MAP3K8: variants seen among roughly 807,000 people sequenced by gnomAD.
The protein encoded by MAP3K8 is mitogen-activated protein kinase kinase kinase 8.
A neutral mutation model predicts 45.8 loss-of-function variants in MAP3K8; 22 were observed. The observed-to-expected ratio is 0.48, with a 90% confidence interval of 0.34 to 0.69. MAP3K8 has a LOEUF of 0.69. MAP3K8 is among the 30% of genes least tolerant of loss of function. MAP3K8 has a pLI of 0.01. For missense variants in MAP3K8, 419 were observed against 585.0 expected (o/e 0.72, Z 2.93); for synonymous variants, 223 against 214.3 (o/e 1.04, Z -0.36).
chr10:30,450,128 C>T (rs1271298664), intron 4 of MAP3K8, 130 bp from the exon 5 acceptor site: 5 of 737,002 alleles, frequency 6.8e-6, no homozygotes, highest in Non-Finnish European at 1.1e-5. Context: ...CTGGGCAGTC[C>T]ATTTTCACAC....
chr10:30,459,582 A>C (rs1028774432), intron 8 of MAP3K8, 81 bp downstream of exon 8: 1 of 1,522,954 alleles, frequency 6.6e-7, no homozygotes. Flanking sequence ...AGTTCATGAA[A>C]GCACTTGGAA....
intron 1 of MAP3K8, among the ~76,000 whole-genome samples, chr10:30,435,647 G>T (rs1225550038): frequency 3.3e-5 from 5 of 152,170 alleles, no homozygotes; most frequent in Non-Finnish European, 7.3e-5. Flanking sequence ...CCACCTCCCG[G>T]GTTCAAGCGA....
At chr10:30,448,097 T>C (rs889380101) in intron 4 of MAP3K8, 148 bp downstream of exon 4, 3 of 690,768 alleles carry the variant, frequency 4.3e-6, no homozygotes, top group East Asian at 2.8e-5. Flanking sequence ...TTTTTCTGAA[T>C]TTATTGGCTA....
chr10:30,456,114 G>A (rs1836720492), intron 6 of MAP3K8, among the ~76,000 whole-genome samples: 1 of 152,216 alleles, frequency 6.6e-6, no homozygotes, highest in Admixed American at 6.5e-5. Context: ...TATTGGCAGG[G>A]AGGAGGGGGT....
intron 6 of MAP3K8, among the ~76,000 whole-genome samples, chr10:30,456,556 T>C (rs147659561): frequency 2.6e-5 from 4 of 152,138 alleles, no homozygotes; most frequent in Admixed American, 2.6e-4. Flanking sequence ...ATTCTCTTAT[T>C]CACATGGCAG....
chr10:30,458,192 G>T lies in MAP3K8; in HGVS notation c.982G>T (p.Val328Leu). ...CATGCAGACGGGCACCCCACCCTGGGTGAAGCGCTACCCTCGCTCAGCCTA... is the reference window on the plus strand; with the variant it reads ...CATGCAGACGGGCACCCCACCCTGGTTGAAGCGCTACCCTCGCTCAGCCTA... ...IHMQTGTPPW[V>L]KRYPRSAYPS... The change falls in exon 7 of 9, where the codon GTG (valine) becomes TTG (leucine). Residue 328 changes from valine to leucine, a missense_variant. Around this residue, in one of 3 missense-constraint regions of MAP3K8, gnomAD observed 209 missense variants for 367.3 expected, o/e 0.57. Coordinates refer to ENST00000263056, the MANE Select transcript of MAP3K8 (RefSeq NM_005204.4). 1 of 1,586,368 alleles carries T rather than the reference G, an allele frequency of 6.3e-7. No individual in the cohort carries two copies. Among genetic ancestry groups the T allele is most frequent in the Non-Finnish European group, 8.6e-7 (1 of 1,165,250 alleles).
At chr10:30,446,492 G>T (rs1836343291) in intron 3 of MAP3K8, among the ~76,000 whole-genome samples, 1 of 149,034 alleles carries the variant, frequency 6.7e-6, no homozygotes, top group African/African-American at 2.5e-5. Flanking sequence ...CCAAGATCGT[G>T]CCATTGCACT....
intron 4 of MAP3K8, among the ~76,000 whole-genome samples, chr10:30,449,209 C>T (rs1836450625): frequency 6.6e-6 from 1 of 152,030 alleles, no homozygotes; most frequent in Admixed American, 6.6e-5. Context: ...AAGAGGGGGG[C>T]TTCTTGAATG....
chr10:30,435,844 TA>T (rs1226221379), intron 1 of MAP3K8, among the ~76,000 whole-genome samples: 1 of 152,224 alleles, frequency 6.6e-6, no homozygotes, highest in African/African-American at 2.4e-5. Context: ...GTGCCCGGCC[TA>T]AAAAAATATT....
intron 4 of MAP3K8, among the ~76,000 whole-genome samples, 196 bp from the exon 5 acceptor site, chr10:30,450,062 A>G (rs554443880): frequency 6.6e-6 from 1 of 152,346 alleles, no homozygotes; most frequent in East Asian, 1.9e-4. Flanking sequence ...TCTGAATTTT[A>G]TACTTAAAGC....
At chr10:30,434,927 A>G (rs1319357533) in intron 1 of MAP3K8, among the ~76,000 whole-genome samples, 1 of 152,150 alleles carries the variant, frequency 6.6e-6, no homozygotes, top group Non-Finnish European at 1.5e-5. Context: ...TGTAACCCGG[A>G]CTCTATCCCA....
chr10:30,443,204 T>C (rs989844935), intron 3 of MAP3K8, among the ~76,000 whole-genome samples: 1 of 148,220 alleles, frequency 6.7e-6, no homozygotes, highest in Non-Finnish European at 1.5e-5. Flanking sequence ...TGTGTGACCC[T>C]GGGCTGGTCA....
intron 1 of MAP3K8, among the ~76,000 whole-genome samples, chr10:30,435,542 A>G (rs1372074152): frequency 6.6e-6 from 1 of 150,728 alleles, no homozygotes; most frequent in Non-Finnish European, 1.5e-5. Flanking sequence ...ATATGTATAT[A>G]TGTATATATA....
chr10:30,448,146 A>C (rs541534497), intron 4 of MAP3K8, among the ~76,000 whole-genome samples, 197 bp downstream of exon 4: 138 of 152,266 alleles, frequency 9.1e-4, no homozygotes, highest in Non-Finnish European at 1.3e-3. Flanking sequence ...GTTTAGGTGC[A>C]TAGTTGATTT....
At chr10:30,455,802 C>CA (rs1302854335) in intron 6 of MAP3K8, among the ~76,000 whole-genome samples, 1 of 152,224 alleles carries the variant, frequency 6.6e-6, no homozygotes, top group East Asian at 1.9e-4. Context: ...GCAGAACTCT[C>CA]AGAGAGCCCT....
chr10:30,454,877 TAGTC>T, intron 6 of MAP3K8, among the ~76,000 whole-genome samples: 1 of 152,280 alleles, frequency 6.6e-6, no homozygotes, highest in Non-Finnish European at 1.5e-5. Flanking sequence ...TATTTGGCAT[TAGTC>T]AGGAGTTCAG....
chr10:30,434,436 C>A, intron 1 of MAP3K8, 58 bp downstream of exon 1: 1 of 985,426 alleles, frequency 1.0e-6, no homozygotes, highest in Non-Finnish European at 1.2e-6. Context: ...GCCTGGGTGC[C>A]CCGGGGATTC....
In MAP3K8 at chr10:30,449,384, A is replaced by G. The variant is rs572039517; in HGVS notation, c.505-874A>G. Among the ~76,000 whole-genome samples, 3 of 152,264 alleles carry G rather than the reference A, an allele frequency of 2.0e-5. No homozygotes were observed. In the South Asian group the frequency reaches 6.2e-4, roughly 32 times the overall value. On this transcript the variant is annotated intron_variant, in intron 4 of 8. Transcript: ENST00000263056. Reference sequence around the variant, plus strand: ...CTCAGCCTCCCAAGTACCTGGGATTACAGGCACTCACCCCCACGCCTGGCC... The same window carrying G: ...CTCAGCCTCCCAAGTACCTGGGATTGCAGGCACTCACCCCCACGCCTGGCC...
chr10:30,458,995 T>C (rs1836839685), intron 7 of MAP3K8, among the ~76,000 whole-genome samples: 1 of 152,120 alleles, frequency 6.6e-6, no homozygotes, highest in South Asian at 2.1e-4. Flanking sequence ...GAGGATCACT[T>C]GAGCCCAGGA....
Sources: allele counts gnomAD v4.1 joint callset (sites outside exome capture counted in the v4.1 genomes callset), GRCh38; gene constraint gnomAD v4.1.1; regional missense constraint gnomAD v4.1.1; transcripts MANE v1.5; gene names NCBI Gene and HGNC (gene_info 2026-07-23, HGNC 2026-07-21).